The following CEP120 variants were observed in gnomAD, a reference collection of about 807,000 sequenced individuals.
The protein encoded by CEP120 is centrosomal protein 120.
A neutral mutation model predicts 126.5 loss-of-function variants in CEP120; 113 were observed. The observed-to-expected ratio is 0.89, with a 90% CI of 0.77 to 1.04. The LOEUF (loss-of-function observed/expected upper bound fraction) is 1.04. Among genes scored for constraint, CEP120 ranks in the 50% least tolerant of loss-of-function variants. The pLI, the probability that CEP120 is intolerant of heterozygous loss-of-function variation, is 0.00. For missense variants in CEP120, 1,230 were observed against 1,155.7 expected, an observed-to-expected ratio of 1.06 and a Z score of -0.93; for synonymous variants, 400 against 394.3, an observed-to-expected ratio of 1.01 and a Z score of -0.17.
In CEP120 at chr5:123,346,664, T is replaced by C. The variant is rs747180394; in HGVS notation, c.2816A>G (p.Glu939Gly). 1 of 1,613,976 alleles carries C rather than the reference T, an allele frequency of 6.2e-7. No individual in the cohort carries two copies. Among genetic ancestry groups the C allele is most frequent in the Admixed American group, 1.7e-5 (1 of 59,960 alleles). ...KDGPHGSVLEEGLDDYLTRLI... is the reference protein window; with the variant it reads ...KDGPHGSVLEGGLDDYLTRLI... The stretch of plus-strand genomic sequence containing the variant: ...GCGAGTCAAATAATCATCCAAACCT[T>C]CTTCCAATACACTGCCATGGGGGCC... Residue 939 changes from glutamate (E) to glycine (G), a missense_variant, in exon 20 of 20, where the codon GAA becomes GGA. Glu to Gly is a moderately conservative substitution (Grantham distance 98, BLOSUM62 -2). Coordinates refer to ENST00000306467, the MANE Select transcript of CEP120 (RefSeq NM_001375405.1).
intron 18 of CEP120, among the ~76,000 whole-genome samples, chr5:123,363,997 A>G (rs1770272849): frequency 6.6e-6 from 1 of 151,620 alleles, no homozygotes; most frequent in Admixed American, 6.6e-5. Flanking sequence ...TGGTAGCAGG[A>G]AAGAAAAAAA....
At chr5:123,408,629 T>C (rs1358804863) in intron 4 of CEP120, among the ~76,000 whole-genome samples, 1 of 152,116 alleles carries the variant, frequency 6.6e-6, no homozygotes, top group Non-Finnish European at 1.5e-5. Context: ...CAATAATCAA[T>C]AACCTTCCCA....
chr5:123,385,346 T>C (rs1771948684), intron 10 of CEP120, among the ~76,000 whole-genome samples: 1 of 152,140 alleles, frequency 6.6e-6, no homozygotes, highest in Admixed American at 6.5e-5. Context: ...ACAATGATGG[T>C]CCCATAAAAT....
At chr5:123,350,248 G>C (rs1044936059) in intron 18 of CEP120, among the ~76,000 whole-genome samples, 159 bp from the exon 19 acceptor site, 4 of 151,866 alleles carry the variant, frequency 2.6e-5, no homozygotes, top group Non-Finnish European at 5.9e-5. Flanking sequence ...GTGTTGCCCA[G>C]GCTGGAGTGC....
Position 123,354,773 on chromosome 5 carries a change from ATG to A in CEP120, c.2581-4686_2581-4685del, listed in dbSNP as rs569694187. On this transcript the variant is annotated intron_variant, in intron 18 of 19. Coordinates refer to ENST00000306467, the MANE Select transcript of CEP120 (RefSeq NM_001375405.1). ...CCTTCTGTTAGAATTCAACCATCCT[ATG>A]TTTTTTTTTTAAATATATTTTTATT... Among the ~76,000 whole-genome samples, 386 of 73,468 alleles carry A rather than the reference ATG, an allele frequency of 5.3e-3. 4 individuals carry two copies. Among genetic ancestry groups the A allele is most frequent in the African/African-American group, 0.019 (354 of 18,394 alleles). 48.2% of individuals were successfully genotyped at this position (73,468 alleles called of 152,430 possible). A position where few individuals can be genotyped will look rare whatever the true frequency, so the allele number is the denominator to read the frequency against.
intron 4 of CEP120, chr5:123,401,403 T>C (rs1580719046): frequency 6.9e-7 from 1 of 1,447,130 alleles, no homozygotes; most frequent in Non-Finnish European, 9.7e-7. Flanking sequence ...AGCCGGCTGA[T>C]GTTCCGGTTC....
chr5:123,417,886 A>C (rs6884601), intron 2 of CEP120, among the ~76,000 whole-genome samples: 67,384 of 152,002 alleles, frequency 0.44, 14,883 homozygotes, highest in East Asian at 0.47. Context: ...AATAAAAATA[A>C]CAACTTCATA....
At chr5:123,353,906 G>T (rs948142948) in intron 18 of CEP120, among the ~76,000 whole-genome samples, 3 of 151,770 alleles carry the variant, frequency 2.0e-5, no homozygotes, top group Non-Finnish European at 4.4e-5. Context: ...TGGCTTCATT[G>T]ATTTTTCTTG....
intron 19 of CEP120, among the ~76,000 whole-genome samples, chr5:123,349,616 A>ATAGTC (rs1274448238): frequency 1.3e-5 from 2 of 152,140 alleles, no homozygotes; most frequent in Non-Finnish European, 2.9e-5. Context: ...AAAAAGTTTA[A>ATAGTC]TAGTCTTTGG....
chr5:123,402,164 C>T, intron 4 of CEP120: 2 of 1,582,176 alleles, frequency 1.3e-6, no homozygotes, highest in Non-Finnish European at 8.7e-7. Flanking sequence ...TGATGCCTCC[C>T]ATGCCGCTGG....
rs1562032322 is a variant in CEP120 at position 123,378,349 on chromosome 5, C to T, written c.2183G>A (p.Ser728Asn). 6 of 1,606,112 alleles carry T rather than the reference C, an allele frequency of 3.7e-6. No homozygotes were observed. The highest frequency in any genetic ancestry group is 4.5e-5 in the East Asian group (2 of 44,546). Residue 728 changes from serine to asparagine, a missense_variant, in exon 15 of 20, where the codon AGT becomes AAT. Coordinates refer to ENST00000306467, the MANE Select transcript of CEP120 (RefSeq NM_001375405.1). ...CGAATGACATACCTCTGATTCCACA[C>T]TAGCAAGCTGCTGCTCTCGCTTCTC... ...DLEKREQQLA[S>N]VESELQREKK...
intron 5 of CEP120, 59 bp from the exon 6 acceptor site, chr5:123,393,556 G>C: frequency 2.2e-6 from 3 of 1,368,312 alleles, no homozygotes; most frequent in Non-Finnish European, 3.1e-6. Flanking sequence ...AACATGCTTA[G>C]TGTATCTATT....
intron 4 of CEP120, chr5:123,402,303 G>T: frequency 6.8e-7 from 1 of 1,463,582 alleles, no homozygotes; most frequent in Non-Finnish European, 9.2e-7. Flanking sequence ...GGGGCCAGAG[G>T]TGGACACCTT....
At position 123,345,886 on chromosome 5, in the gene CEP120, A is replaced by C. The variant is rs1488726531; in HGVS notation, c.*633T>G. 1 of 152,190 alleles carries C rather than the reference A, an allele frequency of 6.6e-6. No individual in the cohort carries two copies. Among genetic ancestry groups the C allele is most frequent in the Non-Finnish European group, 1.5e-5 (1 of 68,024 alleles). 9.4% of individuals were successfully genotyped at this position (152,190 alleles called of 1,614,324 possible). On this transcript the variant is annotated 3_prime_UTR_variant, in exon 20 of 20. Transcript: ENST00000306467. The stretch of plus-strand genomic sequence containing the variant: ...TATTAAGCTAATACTTCATGTTCTT[A>C]AAAGTTATAAATACACTGAAAATTT...
intron 14 of CEP120, among the ~76,000 whole-genome samples, chr5:123,380,538 A>G (rs2127043162): frequency 6.6e-6 from 1 of 152,258 alleles, no homozygotes; most frequent in South Asian, 2.1e-4. Context: ...AGCTGAAAAG[A>G]TCATTATTAC....
intron 17 of CEP120, among the ~76,000 whole-genome samples, chr5:123,368,969 T>C (rs551697738): frequency 2.6e-5 from 4 of 152,034 alleles, no homozygotes; most frequent in East Asian, 1.9e-4. Context: ...GGTTTTTTTT[T>C]CCCATTTCTA....
chr5:123,422,478 T>G (rs560283422), intron 1 of CEP120: 1 of 1,531,704 alleles, frequency 6.5e-7, no homozygotes, highest in African/African-American at 1.4e-5. Context: ...TTTTAAGGAA[T>G]GTATAATACA....
At chr5:123,367,746 T>C (rs891450599) in intron 17 of CEP120, among the ~76,000 whole-genome samples, 2 of 151,986 alleles carry the variant, frequency 1.3e-5, no homozygotes, top group African/African-American at 4.8e-5. Context: ...TATATGTTTA[T>C]GTTAACTTAT....
intron 14 of CEP120, among the ~76,000 whole-genome samples, chr5:123,379,581 C>T (rs1452281089): frequency 4.6e-5 from 7 of 151,914 alleles, no homozygotes; most frequent in Non-Finnish European, 1.0e-4. Context: ...TAATTTATTA[C>T]CAATAATGGA....
Sources: allele counts gnomAD v4.1 joint callset (sites outside exome capture counted in the v4.1 genomes callset), GRCh38; gene constraint gnomAD v4.1.1; transcripts MANE v1.5; gene names NCBI Gene and HGNC (gene_info 2026-07-23, HGNC 2026-07-21).